Variants in GATA5 observed in about 807,000 individuals in gnomAD.
GATA5 encodes GATA binding protein 5.
Under a neutral mutation model 35.0 loss-of-function variants are expected in GATA5, and 27 were observed. The ratio of observed to expected loss-of-function variants is 0.77; its 90% CI spans 0.57 to 1.06. GATA5 has a LOEUF of 1.06. Among genes scored for constraint, GATA5 ranks in the 50% least tolerant of loss-of-function variants. The pLI, the probability that GATA5 is intolerant of heterozygous loss-of-function variation, is 0.00. For missense variants in GATA5, 612 were observed against 580.0 expected (o/e 1.06, Z -0.57); for synonymous variants, 306 against 267.8 (o/e 1.14, Z -1.39).
intron 1 of GATA5, 140 bp from the exon 2 acceptor site, chr20:62,475,682 C>T (rs1555897123): frequency 3.9e-6 from 2 of 510,184 alleles, no homozygotes; most frequent in East Asian, 7.0e-5. Flanking sequence ...GGCGGGTCCC[C>T]GAACCCGAGG....
At chr20:62,469,240 T>A (rs1016060034) in intron 3 of GATA5, among the ~76,000 whole-genome samples, 2 of 152,246 alleles carry the variant, frequency 1.3e-5, no homozygotes. Context: ...ACATGATGAA[T>A]CCTTTGTCTC....
rs1555897077 is a variant in GATA5, at chr20:62,475,441, G to A, written c.81C>T (p.Gly27=). 2 of 1,356,766 alleles carry A rather than the reference G, an allele frequency of 1.5e-6. No individual in the cohort carries two copies. The highest frequency in any genetic ancestry group is 1.9e-6 in the Non-Finnish European group (2 of 1,056,994). 84.0% of individuals were successfully genotyped at this position (1,356,766 alleles called of 1,614,324 possible). Reference sequence around the variant, plus strand: ...GCGGCACAAACATCGGAGAGCCGGCGCCCGGAGCGTGCAGGAAGGAGCCCG... The same window carrying A: ...GCGGCACAAACATCGGAGAGCCGGCACCCGGAGCGTGCAGGAAGGAGCCCG... ...ADSGSFLHAP[G]AGSPMFVPPA... The change falls in exon 2 of 7, where the codon GGC becomes GGT. Residue 27 remains glycine, a synonymous_variant. Transcript: ENST00000252997.
Position 62,465,893 on chromosome 20 carries a change from T to C in GATA5, c.854A>G (p.Glu285Gly), listed in dbSNP as rs1555896036. ...GVPRPLAMKKESIQTRKRKPK... is the reference protein window; with the variant it reads ...GVPRPLAMKKGSIQTRKRKPK... The stretch of plus-strand genomic sequence containing the variant: ...CTTCCGCTTCCGTGTCTGGATGCTT[T>C]CCTTCTTCATAGCCAGAGGCCGCGG... The change falls in exon 5 of 7, where the codon GAA becomes GGA. Residue 285 changes from glutamate (E) to glycine (G), a missense_variant. Coordinates refer to ENST00000252997, the MANE Select transcript of GATA5 (RefSeq NM_080473.5). 1 of 1,598,750 alleles carries C rather than the reference T, an allele frequency of 6.3e-7. No homozygotes were observed.
intron 3 of GATA5, among the ~76,000 whole-genome samples, chr20:62,468,844 G>T (rs1392981106): frequency 6.6e-6 from 1 of 152,234 alleles, no homozygotes. Context: ...GAGGGAGATG[G>T]TGCCTGGCCC....
At chr20:62,472,264 GGCC>G (rs1294598731) in intron 3 of GATA5, among the ~76,000 whole-genome samples, 1 of 152,124 alleles carries the variant, frequency 6.6e-6, no homozygotes, top group Non-Finnish European at 1.5e-5. Flanking sequence ...GAGAAGTGAC[GGCC>G]GCCCCCGGCC....
chr20:62,465,653 G>A (rs1158578601), intron 5 of GATA5, among the ~76,000 whole-genome samples, 181 bp downstream of exon 5: 5 of 152,084 alleles, frequency 3.3e-5, no homozygotes, highest in Non-Finnish European at 7.4e-5. Context: ...CTGCCCACAT[G>A]CTGTCACCAC....
intron 3 of GATA5, among the ~76,000 whole-genome samples, chr20:62,472,586 ACTGT>A: frequency 6.6e-6 from 1 of 152,228 alleles, no homozygotes; most frequent in Non-Finnish European, 1.5e-5. Flanking sequence ...CCCAGGTGCC[ACTGT>A]GGCCTCCCCA....
rs781994899 is a variant in GATA5 at position 62,465,351 on chromosome 20, T to C, written c.1027A>G (p.Met343Val). The change falls in exon 6 of 7, where the codon ATG becomes GTG. Residue 343 changes from methionine (M) to valine (V), a missense_variant. Transcript: ENST00000252997. ...LASPVCPGPS[M>V]APQASGQEDD... ...GCCCACCCCCTTACCTGGGGGGCCATGCTGGGCCCAGGGCACACTGGGGAC... is the reference window on the plus strand; with the variant it reads ...GCCCACCCCCTTACCTGGGGGGCCACGCTGGGCCCAGGGCACACTGGGGAC... 2.2e-6 allele frequency: 3 copies of C among 1,383,876 alleles called. No individual in the cohort carries two copies. The Admixed American group carries it at 5.4e-5, about 25-fold the overall frequency. 85.7% of individuals were successfully genotyped at this position (1,383,876 alleles called of 1,614,324 possible).
In GATA5 at chr20:62,475,128, GC is replaced by G; in HGVS notation, c.393del (p.Arg132GlyfsTer15). 1 of 1,368,350 alleles carries G rather than the reference GC, an allele frequency of 7.3e-7. No homozygotes were observed. Among genetic ancestry groups the G allele is most frequent in the South Asian group, 1.8e-5 (1 of 56,192 alleles). The allele number at this position is 1,368,350 out of a possible 1,614,324, so 84.8% of individuals were successfully genotyped here. ...LPREQFAAPL[G>X]RPVGTSYSAT... ...GCGGAGTACGAGGTCCCCACCGGCC[GC>G]CCAAGCGGGGCCGCGAACTGTTCTC... On this transcript the variant is annotated frameshift_variant, in exon 2 of 7. Coordinates refer to ENST00000252997, the MANE Select transcript of GATA5 (RefSeq NM_080473.5). LOFTEE classifies it high-confidence loss of function.
chr20:62,475,060 C>G lies in GATA5; in HGVS notation c.462G>C (p.Trp154Cys), dbSNP rs1435488846. ...CGCTGCCATCGAAGGGCCCGGCAGT[C>G]CAGGACTGGGCCACGTCGGGGCTCA... ...AYVSPDVAQSWTAGPFDGSVL... is the reference protein window; with the variant it reads ...AYVSPDVAQSCTAGPFDGSVL... Residue 154 changes from tryptophan (W) to cysteine (C), a missense_variant, in exon 2 of 7, where the codon TGG becomes TGC. Physicochemically the swap from Trp to Cys is radical, Grantham distance 215. Coordinates refer to ENST00000252997, the MANE Select transcript of GATA5 (RefSeq NM_080473.5). The G allele has an allele frequency of 7.0e-6, 10 of 1,418,492 alleles. No homozygotes were observed. Among genetic ancestry groups the G allele is most frequent in the African/African-American group, 1.5e-5 (1 of 66,690 alleles). 87.9% of individuals were successfully genotyped at this position (1,418,492 alleles called of 1,614,324 possible).
rs1172575456 is a variant in GATA5, at chr20:62,470,182, G to A, written c.699+3221C>T. 6.6e-6 allele frequency among the ~76,000 whole-genome samples: 1 copy of A among 152,274 alleles called. No individual in the cohort carries two copies. The highest frequency in any genetic ancestry group is 1.5e-5 in the Non-Finnish European group (1 of 68,048). On this transcript the variant is annotated intron_variant, in intron 3 of 6. Transcript: ENST00000252997. The surrounding 1 kb of genome is among the most constrained non-coding windows in gnomAD (Gnocchi z 4.6). ...TCCAAATAAATCAGGCTCTGGGCAG[G>A]GCAGGGCCCGGGCCGGTGCTGGCGG...
chr20:62,470,560 G>A lies in GATA5; in HGVS notation c.699+2843C>T, dbSNP rs977923517. On this transcript the variant is annotated intron_variant, in intron 3 of 6. Transcript: ENST00000252997. The surrounding 1 kb of genome is among the most constrained non-coding windows in gnomAD (Gnocchi z 4.6). ...CTCGAAGGAAGGAAACCCTGGGGTT[G>A]GGTGGGTGTTAGGTGCCTGACTCCA... is the stretch of plus-strand genomic sequence containing the variant. Among the ~76,000 whole-genome samples the A allele has an allele frequency of 1.1e-4, 17 of 152,216 alleles. No homozygotes were observed. Among genetic ancestry groups the A allele is most frequent in the African/African-American group, 4.1e-4 (17 of 41,456 alleles).
chr20:62,465,888 T>G lies in GATA5; in HGVS notation c.859A>C (p.Ile287Leu). The G allele has an allele frequency of 2.5e-6, 4 of 1,599,206 alleles. No homozygotes were observed. Among genetic ancestry groups the G allele is most frequent in the Non-Finnish European group, 3.4e-6 (4 of 1,172,936 alleles). The change falls in exon 5 of 7, where the codon ATC becomes CTC. Residue 287 changes from isoleucine to leucine, a missense_variant. Coordinates refer to ENST00000252997, the MANE Select transcript of GATA5 (RefSeq NM_080473.5). Reference sequence around the variant, plus strand: ...TTTGGCTTCCGCTTCCGTGTCTGGATGCTTTCCTTCTTCATAGCCAGAGGC... The same window carrying G: ...TTTGGCTTCCGCTTCCGTGTCTGGAGGCTTTCCTTCTTCATAGCCAGAGGC... ...PRPLAMKKES[I>L]QTRKRKPKTI...
In GATA5 at chr20:62,470,917, C is replaced by T. The variant is rs950233123; in HGVS notation, c.699+2486G>A. ...GCACCCCAAAGCCCACCCTGTCTAC[C>T]CCAGACCAGGGAATGGAGGCCTCAT... On this transcript the variant is annotated intron_variant, in intron 3 of 6. Coordinates refer to ENST00000252997, the MANE Select transcript of GATA5 (RefSeq NM_080473.5). The surrounding 1 kb of genome is among the most constrained non-coding windows in gnomAD (Gnocchi z 4.6). Among the ~76,000 whole-genome samples the T allele has an allele frequency of 2.0e-5, 3 of 152,172 alleles. No individual in the cohort carries two copies. The highest frequency in any genetic ancestry group is 7.2e-5 in the African/African-American group (3 of 41,426).
At position 62,465,432 on chromosome 20, in the gene GATA5, C is replaced by T; in HGVS notation, c.946G>A (p.Ala316Thr). 1 of 1,609,046 alleles carries T rather than the reference C, an allele frequency of 6.2e-7. No homozygotes were observed. The highest frequency in any genetic ancestry group is 8.5e-7 in the Non-Finnish European group (1 of 1,179,704). The change falls in exon 6 of 7, where the codon GCT (alanine) becomes ACT (threonine). Residue 316 changes from alanine to threonine, a missense_variant. Ala to Thr is a moderately conservative substitution (Grantham distance 58). Coordinates refer to ENST00000252997, the MANE Select transcript of GATA5 (RefSeq NM_080473.5). ...GCTGAGCTGTCAGTGCTGGCGACAGCAGATGGGGAGGCCGAGGCATTCCTT... is the reference window on the plus strand; with the variant it reads ...GCTGAGCTGTCAGTGCTGGCGACAGTAGATGGGGAGGCCGAGGCATTCCTT... Reference protein sequence around the residue: ...STRNASASPSAVASTDSSAAT... With the variant: ...STRNASASPSTVASTDSSAAT...
chr20:62,465,732 G>T, intron 5 of GATA5, 102 bp downstream of exon 5: 1 of 1,003,822 alleles, frequency 1.0e-6, no homozygotes, highest in Non-Finnish European at 1.5e-6. Flanking sequence ...GACTTCCAGA[G>T]GACTGTGCTT....
chr20:62,471,965 C>G (rs1243355076), intron 3 of GATA5, among the ~76,000 whole-genome samples: 1 of 150,064 alleles, frequency 6.7e-6, no homozygotes, highest in Non-Finnish European at 1.5e-5. Context: ...AGGCTGGTCT[C>G]GAACTCCTGA....
At chr20:62,473,307 C>T (rs766965119) in intron 3 of GATA5, 96 bp downstream of exon 3, 3 of 1,395,350 alleles carry the variant, frequency 2.2e-6, no homozygotes, top group Non-Finnish European at 2.9e-6. Flanking sequence ...TCCCTACCCC[C>T]TACCCCAGGG....
At chr20:62,473,338 G>A in intron 3 of GATA5, 65 bp downstream of exon 3, 1 of 1,526,806 alleles carries the variant, frequency 6.5e-7, no homozygotes, top group Non-Finnish European at 8.9e-7. Context: ...CACCTGGGTG[G>A]ATTGCAAGAG....
Sources: gnomAD v4.1 joint callset for allele counts (sites outside exome capture counted in the v4.1 genomes callset) on GRCh38, gnomAD v4.1.1 for gene constraint, Gnocchi (gnomAD v3.1) non-coding constraint, MANE v1.5 for transcripts, NCBI Gene and HGNC (gene_info 2026-07-23, HGNC 2026-07-21) for gene names.